The following ZHX2 variants were observed in gnomAD, a reference collection of about 807,000 sequenced individuals.
ZHX2 encodes the protein zinc fingers and homeoboxes protein 2.
A neutral mutation model predicts 21.9 loss-of-function variants in ZHX2; 6 were observed. That is an observed-to-expected ratio of 0.27 (90% CI 0.15 to 0.54). The LOEUF (loss-of-function observed/expected upper bound fraction) is 0.54, where lower values mean the gene tolerates loss of function less well. ZHX2 is among the 20% of genes least tolerant of loss of function. The probability of loss-of-function intolerance (pLI) is 0.95; values close to 1 mark genes in which losing one functional copy is unlikely to be tolerated. For missense variants in ZHX2, 908 were observed against 1,090.7 expected, an observed-to-expected ratio of 0.83 and a Z score of 2.36; for synonymous variants, 434 against 437.1, an observed-to-expected ratio of 0.99 and a Z score of 0.09.
At chr8:122,885,978 AG>A (rs2129822822) in intron 2 of ZHX2, among the ~76,000 whole-genome samples, 1 of 152,296 alleles carries the variant, frequency 6.6e-6, no homozygotes, top group Non-Finnish European at 1.5e-5. Context: ...TATATGGGTC[AG>A]GGTGTTTGAA....
intron 2 of ZHX2, among the ~76,000 whole-genome samples, chr8:122,887,251 C>T (rs1819865238): frequency 6.6e-6 from 1 of 151,984 alleles, no homozygotes; most frequent in Non-Finnish European, 1.5e-5. Context: ...TGGTGGCTCA[C>T]GCCTGTAATC....
intron 3 of ZHX2, among the ~76,000 whole-genome samples, chr8:122,965,345 C>A (rs995506737): frequency 2.0e-5 from 3 of 151,954 alleles, no homozygotes; most frequent in Admixed American, 1.3e-4. Context: ...TGATCAGTTG[C>A]ATCACTATTA....
At chr8:122,928,576 G>A (rs577766838) in intron 2 of ZHX2, among the ~76,000 whole-genome samples, 2 of 152,264 alleles carry the variant, frequency 1.3e-5, no homozygotes, top group South Asian at 4.2e-4. Flanking sequence ...AGATTTGCCT[G>A]GCGGCAGGCA....
chr8:122,926,906 C>T (rs7832324), intron 2 of ZHX2, among the ~76,000 whole-genome samples: 3,243 of 152,196 alleles, frequency 0.021, 105 homozygotes, highest in African/African-American at 0.073. Flanking sequence ...CTGAGGATGG[C>T]GTTTAGGGCC....
intron 2 of ZHX2, among the ~76,000 whole-genome samples, chr8:122,941,457 G>A (rs989133621): frequency 3.3e-5 from 5 of 152,106 alleles, no homozygotes; most frequent in African/African-American, 7.2e-5. Context: ...TCTGTGGATC[G>A]TGTTTATAAA....
intron 1 of ZHX2, among the ~76,000 whole-genome samples, chr8:122,827,637 A>T (rs1818290130): frequency 6.6e-6 from 1 of 152,076 alleles, no homozygotes; most frequent in Non-Finnish European, 1.5e-5. Flanking sequence ...AGAGAATCTG[A>T]CTTCAGAATC....
intron 1 of ZHX2, among the ~76,000 whole-genome samples, chr8:122,788,828 T>C (rs904812400): frequency 6.6e-5 from 10 of 152,202 alleles, no homozygotes; most frequent in Non-Finnish European, 1.3e-4. Context: ...GGTGCATGCC[T>C]TCCTGCATGA....
intron 1 of ZHX2, among the ~76,000 whole-genome samples, chr8:122,861,230 T>TGTCAGGGATCTTTGCATCCAGCTGC (rs1819160270): frequency 1.3e-5 from 2 of 152,106 alleles, no homozygotes; most frequent in Non-Finnish European, 2.9e-5. Flanking sequence ...CACTCAGCTG[T>TGTCAGGGATCTTTGCATCCAGCTGC]GTCAGGGATC....
rs1818095757 is a variant in ZHX2, at chr8:122,819,317, A to G, written c.-283+37371A>G. On this transcript the variant is annotated intron_variant, in intron 1 of 3. Coordinates refer to ENST00000314393, the MANE Select transcript of ZHX2 (RefSeq NM_014943.5). ...ACCTACAGAATGGCACTCTCCCACC[A>G]GAGCCTTATGAGATGCTCCATGCTA... Among the ~76,000 whole-genome samples the G allele has an allele frequency of 2.0e-5, 3 of 152,212 alleles. No individual in the cohort carries two copies. In the South Asian group the frequency reaches 6.2e-4, roughly 32 times the overall value.
At chr8:122,891,308 G>A (rs976524074) in intron 2 of ZHX2, among the ~76,000 whole-genome samples, 1 of 146,252 alleles carries the variant, frequency 6.8e-6, no homozygotes, top group African/African-American at 2.5e-5. Context: ...GTGTGTGTGT[G>A]TGTGTGTGTG....
rs993469681 is a variant in ZHX2, at chr8:122,963,377, G to A, written c.*4+9349G>A. On this transcript the variant is annotated intron_variant, in intron 3 of 3. Coordinates refer to ENST00000314393, the MANE Select transcript of ZHX2 (RefSeq NM_014943.5). ...ATCCCAGCACCATTTATTGAATAGG[G>A]TGTCCTTTCCCCACTTTATGTTTTT... is the stretch of plus-strand genomic sequence containing the variant. Among the ~76,000 whole-genome samples, 5 of 152,054 alleles carry A rather than the reference G, an allele frequency of 3.3e-5. No homozygotes were observed. The East Asian group carries it at 9.6e-4, about 29-fold the overall frequency.
At chr8:122,858,509 C>G (rs117518995) in intron 1 of ZHX2, among the ~76,000 whole-genome samples, 292 of 152,208 alleles carry the variant, frequency 1.9e-3, no homozygotes, top group Non-Finnish European at 3.5e-3. Flanking sequence ...GTGATTTTCT[C>G]CATATGACCA....
intron 2 of ZHX2, among the ~76,000 whole-genome samples, chr8:122,878,421 A>G (rs1346115954): frequency 6.6e-6 from 1 of 152,200 alleles, no homozygotes; most frequent in Non-Finnish European, 1.5e-5. Context: ...GGAGTCAGCC[A>G]TATCTTAGGG....
At chr8:122,884,518 G>A (rs1819792207) in intron 2 of ZHX2, among the ~76,000 whole-genome samples, 1 of 152,210 alleles carries the variant, frequency 6.6e-6, no homozygotes, top group Non-Finnish European at 1.5e-5. Context: ...TCTTGCTGGT[G>A]TCACAAATCC....
intron 1 of ZHX2, among the ~76,000 whole-genome samples, chr8:122,830,026 C>T (rs1233580638): frequency 6.6e-6 from 1 of 152,180 alleles, no homozygotes; most frequent in Non-Finnish European, 1.5e-5. Flanking sequence ...TGAATGGAGG[C>T]TGGGTAAAAT....
intron 2 of ZHX2, among the ~76,000 whole-genome samples, chr8:122,928,487 G>A (rs576110540): frequency 1.6e-4 from 25 of 152,194 alleles, no homozygotes; most frequent in Middle Eastern, 6.8e-3. Flanking sequence ...AGATGAGTTG[G>A]GATAGAATTC....
chr8:122,878,671 G>A (rs1479492135), intron 2 of ZHX2, among the ~76,000 whole-genome samples: 1 of 152,138 alleles, frequency 6.6e-6, no homozygotes, highest in Non-Finnish European at 1.5e-5. Context: ...CCTGTAGGAG[G>A]TGCAGGGAGT....
chr8:122,824,858 G>A (rs894095585), intron 1 of ZHX2, among the ~76,000 whole-genome samples: 10 of 152,218 alleles, frequency 6.6e-5, no homozygotes, highest in Non-Finnish European at 1.2e-4. Context: ...CTCTGGAGGA[G>A]AATCATTTTC....
At chr8:122,842,076 G>A (rs1416035316) in intron 1 of ZHX2, among the ~76,000 whole-genome samples, 1 of 152,242 alleles carries the variant, frequency 6.6e-6, no homozygotes, top group Non-Finnish European at 1.5e-5. Context: ...GGCACAGTGA[G>A]AAGGGCACTG....
Sources: allele counts gnomAD v4.1 joint callset (sites outside exome capture counted in the v4.1 genomes callset), GRCh38; gene constraint gnomAD v4.1.1; transcripts MANE v1.5; gene names NCBI Gene and HGNC (gene_info 2026-07-23, HGNC 2026-07-21).